ARHGAP29: variants seen among roughly 807,000 people sequenced by gnomAD.
The protein encoded by ARHGAP29 is Rho GTPase activating protein 29.
ARHGAP29 carries 43 observed loss-of-function variants against 122.6 expected under a neutral mutation model. The observed-to-expected ratio is 0.35, with a 90% CI of 0.27 to 0.45. The LOEUF is 0.45. Among genes scored for constraint, ARHGAP29 ranks in the 20% least tolerant of loss-of-function variants. The pLI, the probability that ARHGAP29 is intolerant of heterozygous loss-of-function variation, is 1.00. For missense variants in ARHGAP29, 1,303 were observed against 1,477.2 expected, an observed-to-expected ratio of 0.88 and a Z score of 1.93; for synonymous variants, 506 against 497.1, an observed-to-expected ratio of 1.02 and a Z score of -0.24.
At position 94,174,314 on chromosome 1, in the gene ARHGAP29, C is replaced by T; in HGVS notation, c.3341G>A (p.Ser1114Asn). 2 of 1,614,194 alleles carry T rather than the reference C, an allele frequency of 1.2e-6. No individual in the cohort carries two copies. Residue 1114 changes from serine to asparagine, a missense_variant, in exon 23 of 23, where the codon AGT (serine) becomes AAT (asparagine). Coordinates refer to ENST00000260526, the MANE Select transcript of ARHGAP29 (RefSeq NM_004815.4). ...EKGVTTSLQI[S>N]GDHSINATQP... ...AGTGGCATTGATAGAATGGTCCCCACTAATCTGGAGGCTTGTTGTCACTCC... is the reference window on the plus strand; with the variant it reads ...AGTGGCATTGATAGAATGGTCCCCATTAATCTGGAGGCTTGTTGTCACTCC...
chr1:94,237,474 C>T lies in ARHGAP29; in HGVS notation c.-92G>A, dbSNP rs527591281. 17 of 988,244 alleles carry T rather than the reference C, an allele frequency of 1.7e-5. No individual in the cohort carries two copies. The South Asian group carries it at 6.3e-4, about 37-fold the overall frequency. 61.2% of individuals were successfully genotyped at this position (988,244 alleles called of 1,614,324 possible). A position where few individuals can be genotyped will look rare whatever the true frequency, so the allele number is the denominator to read the frequency against. ...CCCGCCCCACACCTACGGCCGCCGC[C>T]ACCGCCGAGGGCTGGAGCTCGCTGC... is the stretch of plus-strand genomic sequence containing the variant. On this transcript the variant is annotated 5_prime_UTR_variant, in exon 1 of 23. It introduces an in-frame stop codon into an upstream open reading frame of the 5' UTR. Transcript: ENST00000260526.
chr1:94,195,719 T>A (rs1045998797), intron 12 of ARHGAP29: 6 of 151,978 alleles, frequency 3.9e-5, no homozygotes, highest in African/African-American at 1.4e-4. Context: ...AAATAGATTT[T>A]TAAAAAAAAT....
intron 18 of ARHGAP29, 97 bp downstream of exon 18, chr1:94,184,775 A>T (rs991228418): frequency 6.6e-6 from 7 of 1,059,018 alleles, no homozygotes; most frequent in Non-Finnish European, 9.3e-6. Flanking sequence ...AAAACAAAAA[A>T]AACCCCTGAG....
At chr1:94,221,065 C>T (rs1009719810) in intron 2 of ARHGAP29, among the ~76,000 whole-genome samples, 1 of 152,122 alleles carries the variant, frequency 6.6e-6, no homozygotes, top group African/African-American at 2.4e-5. Flanking sequence ...CAGCCTACTC[C>T]ACTCATTTAC....
At chr1:94,257,320 T>C (rs1461257759) in intron 1 of ARHGAP29, among the ~76,000 whole-genome samples, 1 of 152,066 alleles carries the variant, frequency 6.6e-6, no homozygotes, top group Non-Finnish European at 1.5e-5. Context: ...GAGAATCACT[T>C]GAACCCTGGA....
chr1:94,177,569 T>C (rs368822174), intron 22 of ARHGAP29, 43 bp downstream of exon 22: 63 of 1,513,370 alleles, frequency 4.2e-5, no homozygotes, highest in Non-Finnish European at 5.2e-5. Context: ...ACTGGTAAAA[T>C]TTTAAGCCAG....
the ARHGAP29 span, among the ~76,000 whole-genome samples, chr1:94,309,990 A>G: frequency 6.6e-6 from 1 of 152,344 alleles, no homozygotes; most frequent in East Asian, 1.9e-4. Flanking sequence ...ATGAGTAAAC[A>G]TACATTCCCT....
At chr1:94,222,876 T>A (rs1652387733) in intron 2 of ARHGAP29, among the ~76,000 whole-genome samples, 2 of 152,212 alleles carry the variant, frequency 1.3e-5, no homozygotes, top group Non-Finnish European at 2.9e-5. Flanking sequence ...AAGTCTATTT[T>A]TAAAATGAAA....
At chr1:94,222,028 G>C (rs1337542223) in intron 2 of ARHGAP29, among the ~76,000 whole-genome samples, 2 of 151,568 alleles carry the variant, frequency 1.3e-5, no homozygotes, top group African/African-American at 2.4e-5. Flanking sequence ...AGTGAGGAGG[G>C]CATGTCAAAG....
At chr1:94,287,896 C>G in the ARHGAP29 span, among the ~76,000 whole-genome samples, 1 of 152,136 alleles carries the variant, frequency 6.6e-6, no homozygotes, top group Non-Finnish European at 1.5e-5. Flanking sequence ...TTTATCCAGT[C>G]TATTATTGAT....
At chr1:94,272,942 A>G (rs1054288326) in intron 1 of ARHGAP29, among the ~76,000 whole-genome samples, 1 of 152,228 alleles carries the variant, frequency 6.6e-6, no homozygotes, top group Non-Finnish European at 1.5e-5. Flanking sequence ...AGTATCTTCA[A>G]TGTAGACAGA....
the ARHGAP29 span, among the ~76,000 whole-genome samples, chr1:94,296,963 G>A: frequency 6.6e-6 from 1 of 152,158 alleles, no homozygotes; most frequent in Non-Finnish European, 1.5e-5. Context: ...ATTTCATTTT[G>A]TCTGTGAAGA....
chr1:94,271,264 A>G (rs141705574), intron 1 of ARHGAP29, among the ~76,000 whole-genome samples: 13 of 151,734 alleles, frequency 8.6e-5, no homozygotes, highest in African/African-American at 3.2e-4. Context: ...TAAGCAAGTA[A>G]GAGAATAAAA....
At chr1:94,221,094 G>C (rs562352895) in intron 2 of ARHGAP29, among the ~76,000 whole-genome samples, 1 of 152,060 alleles carries the variant, frequency 6.6e-6, no homozygotes, top group Non-Finnish European at 1.5e-5. Flanking sequence ...AGGTCAGAGC[G>C]ATGCAGTTTT....
chr1:94,293,751 T>C, the ARHGAP29 span, among the ~76,000 whole-genome samples: 1 of 152,136 alleles, frequency 6.6e-6, no homozygotes, highest in Admixed American at 6.5e-5. Context: ...ACAACTTCCA[T>C]GCCCTCCATG....
the ARHGAP29 span, among the ~76,000 whole-genome samples, chr1:94,306,029 T>C: frequency 1.3e-5 from 2 of 152,104 alleles, no homozygotes; most frequent in African/African-American, 4.8e-5. Flanking sequence ...CTGAAAGAAA[T>C]ATGGAGAACG....
intron 10 of ARHGAP29, 39 bp from the exon 11 acceptor site, chr1:94,202,771 A>C: frequency 6.3e-7 from 1 of 1,591,224 alleles, no homozygotes; most frequent in South Asian, 1.1e-5. Flanking sequence ...ATATGAAAGA[A>C]ATCCTACTGA....
chr1:94,303,444 C>T, the ARHGAP29 span, among the ~76,000 whole-genome samples: 1 of 152,026 alleles, frequency 6.6e-6, no homozygotes, highest in South Asian at 2.1e-4. Context: ...TTAATGGGTA[C>T]CGAGTTCCAG....
chr1:94,261,442 G>A (rs926783236), intron 1 of ARHGAP29, among the ~76,000 whole-genome samples: 9 of 152,068 alleles, frequency 5.9e-5, no homozygotes, highest in Non-Finnish European at 1.2e-4. Context: ...AAATTAAGAC[G>A]ATTTTGTAGT....
Sources: gnomAD v4.1 joint callset for allele counts (sites outside exome capture counted in the v4.1 genomes callset) on GRCh38, gnomAD v4.1.1 for gene constraint, MANE v1.5 for transcripts, NCBI Gene and HGNC (gene_info 2026-07-23, HGNC 2026-07-21) for gene names.